PDSS2: variants seen among roughly 807,000 people sequenced by gnomAD.
PDSS2 encodes the protein decaprenyl diphosphate synthase subunit 2.
PDSS2 carries 31 observed loss-of-function variants against 44.5 expected under a neutral mutation model. The ratio of observed to expected loss-of-function variants is 0.70; its 90% confidence interval spans 0.52 to 0.94. PDSS2 has a LOEUF of 0.94. Among genes scored for constraint, PDSS2 ranks in the 40% least tolerant of loss-of-function variants. The pLI, the probability that PDSS2 is intolerant of heterozygous loss-of-function variation, is 0.00. For missense variants in PDSS2, 452 were observed against 482.2 expected, an observed-to-expected ratio of 0.94 and a Z score of 0.59; for synonymous variants, 157 against 180.3, an observed-to-expected ratio of 0.87 and a Z score of 1.03.
chr6:107,196,528 T>A (rs1772567240), intron 6 of PDSS2, among the ~76,000 whole-genome samples: 1 of 152,204 alleles, frequency 6.6e-6, no homozygotes, highest in African/African-American at 2.4e-5. Flanking sequence ...TCTCCATCCT[T>A]TTCCTTGTCT....
At chr6:107,362,250 C>T (rs1229087851) in intron 1 of PDSS2, among the ~76,000 whole-genome samples, 3 of 152,058 alleles carry the variant, frequency 2.0e-5, no homozygotes, top group Non-Finnish European at 2.9e-5. Context: ...GCAGGTGGGA[C>T]ATGAGAGGTC....
chr6:107,303,044 G>A (rs1776747085), intron 2 of PDSS2, among the ~76,000 whole-genome samples: 1 of 152,110 alleles, frequency 6.6e-6, no homozygotes, highest in Non-Finnish European at 1.5e-5. Context: ...ATCACAGACT[G>A]AGTAATTTAT....
chr6:107,353,206 T>C (rs1778484865), intron 1 of PDSS2, among the ~76,000 whole-genome samples: 1 of 152,210 alleles, frequency 6.6e-6, no homozygotes, highest in South Asian at 2.1e-4. Context: ...AAAAAGCTTT[T>C]TGAATGTCTA....
At chr6:107,233,032 G>A (rs1774103349) in intron 4 of PDSS2, among the ~76,000 whole-genome samples, 1 of 151,998 alleles carries the variant, frequency 6.6e-6, no homozygotes, top group Admixed American at 6.6e-5. Context: ...GCCCAGACTG[G>A]TCTCAAACTC....
At chr6:107,332,294 C>T (rs1017952112) in intron 2 of PDSS2, among the ~76,000 whole-genome samples, 1 of 151,900 alleles carries the variant, frequency 6.6e-6, no homozygotes, top group African/African-American at 2.4e-5. Flanking sequence ...TTTGTAGCGA[C>T]TGGGTTTCTC....
At chr6:107,400,851 A>T (rs762860410) in intron 1 of PDSS2, among the ~76,000 whole-genome samples, 1 of 152,136 alleles carries the variant, frequency 6.6e-6, no homozygotes, top group African/African-American at 2.4e-5. Context: ...CCCTGCCCCA[A>T]CTGCCTTAGA....
chr6:107,187,302 A>G (rs73763744), intron 7 of PDSS2, among the ~76,000 whole-genome samples: 6,794 of 152,262 alleles, frequency 0.045, 503 homozygotes, highest in African/African-American at 0.15. Flanking sequence ...CTGGCATGAG[A>G]AATACTATTA....
intron 1 of PDSS2, among the ~76,000 whole-genome samples, chr6:107,355,627 G>A (rs577106215): frequency 2.0e-5 from 3 of 152,288 alleles, no homozygotes; most frequent in African/African-American, 7.2e-5. Context: ...TCCACAACCA[G>A]AAGCCCTTTT....
intron 1 of PDSS2, among the ~76,000 whole-genome samples, chr6:107,380,656 T>C (rs555080202): frequency 5.9e-5 from 9 of 152,324 alleles, no homozygotes; most frequent in African/African-American, 2.2e-4. Flanking sequence ...TAGTCAATTA[T>C]CATCCAACTA....
At chr6:107,341,541 G>A (rs1778079500) in intron 1 of PDSS2, among the ~76,000 whole-genome samples, 1 of 149,042 alleles carries the variant, frequency 6.7e-6, no homozygotes, top group Non-Finnish European at 1.5e-5. Context: ...AGGTGAGAGA[G>A]AAAAGAAAAG....
intron 1 of PDSS2, among the ~76,000 whole-genome samples, chr6:107,420,666 A>G (rs1260300496): frequency 6.6e-6 from 1 of 152,204 alleles, no homozygotes; most frequent in African/African-American, 2.4e-5. Flanking sequence ...TAAAACGCAC[A>G]CCGCATACAA....
At chr6:107,168,684 T>A (rs2114354322) in intron 7 of PDSS2, among the ~76,000 whole-genome samples, 1 of 151,120 alleles carries the variant, frequency 6.6e-6, no homozygotes, top group East Asian at 1.9e-4. Context: ...GGTGACAAAA[T>A]CTCTCAGCAT....
At chr6:107,416,435 T>C (rs1780662962) in intron 1 of PDSS2, among the ~76,000 whole-genome samples, 1 of 152,300 alleles carries the variant, frequency 6.6e-6, no homozygotes, top group Middle Eastern at 3.4e-3. Context: ...CATATCCGGG[T>C]TGATTTGTTA....
At chr6:107,417,345 G>A (rs1008943710) in intron 1 of PDSS2, among the ~76,000 whole-genome samples, 3 of 152,136 alleles carry the variant, frequency 2.0e-5, no homozygotes, top group Admixed American at 2.0e-4. Context: ...TCTCATACAT[G>A]CTGATAGTGT....
rs529920109 is a variant in PDSS2 at position 107,237,795 on chromosome 6, C to T, written c.702+7753G>A. Among the ~76,000 whole-genome samples, 3 of 150,610 alleles carry T rather than the reference C, an allele frequency of 2.0e-5. No homozygotes were observed. The East Asian group carries it at 6.0e-4, about 30-fold the overall frequency. On this transcript the variant is annotated intron_variant, in intron 4 of 7. Transcript: ENST00000369037. ...CCTGTAGTTCCAGCTACTTGGGAAG[C>T]TGCGGCAGGTGAATCGCTTGAAGCC...
chr6:107,422,803 T>C (rs1583064944), intron 1 of PDSS2, among the ~76,000 whole-genome samples: 1 of 152,262 alleles, frequency 6.6e-6, no homozygotes, highest in Non-Finnish European at 1.5e-5. Flanking sequence ...CTTTTCGTTA[T>C]ATATTTCTGT....
At position 107,194,290 on chromosome 6, in the gene PDSS2, T is replaced by C. The variant is rs548105559; in HGVS notation, c.1009-436A>G. On this transcript the variant is annotated intron_variant, in intron 6 of 7. Transcript: ENST00000369037. ...CCCCAAAACCAGAATTAATCAAGAT[T>C]CACACATTGCATTCTGGTTTTTGTG... 4.6e-5 allele frequency among the ~76,000 whole-genome samples: 7 copies of C among 152,358 alleles called. No individual in the cohort carries two copies. In the East Asian group the frequency reaches 1.3e-3, roughly 29 times the overall value.
chr6:107,276,873 C>G (rs1775801396), intron 2 of PDSS2, among the ~76,000 whole-genome samples: 1 of 152,152 alleles, frequency 6.6e-6, no homozygotes, highest in Non-Finnish European at 1.5e-5. Flanking sequence ...TGAAAGGCAA[C>G]ATGGAGAAAG....
chr6:107,323,337 T>C (rs1777442072), intron 2 of PDSS2, among the ~76,000 whole-genome samples: 1 of 152,226 alleles, frequency 6.6e-6, no homozygotes. Context: ...TGTCTTTCAG[T>C]GTCCAGTGCT....
Sources: gnomAD v4.1 joint callset for allele counts (sites outside exome capture counted in the v4.1 genomes callset) on GRCh38, gnomAD v4.1.1 for gene constraint, MANE v1.5 for transcripts, NCBI Gene and HGNC (gene_info 2026-07-23, HGNC 2026-07-21) for gene names.